The following TOP2A variants were observed in gnomAD, a reference collection of about 807,000 sequenced individuals.
TOP2A encodes the protein DNA topoisomerase II alpha, also known as DNA topoisomerase 2-alpha.
In TOP2A, 68 loss-of-function variants were observed where a neutral mutation model predicts 187.2. The ratio of observed to expected loss-of-function variants is 0.36; its 90% confidence interval spans 0.30 to 0.44. The LOEUF is 0.44. Among genes scored for constraint, TOP2A ranks in the 20% least tolerant of loss-of-function variants. TOP2A has a pLI of 1.00. For synonymous variants in TOP2A, 542 were observed against 593.2 expected (o/e 0.91, Z 1.25); for missense variants, 1,196 against 1,808.7 (o/e 0.66, Z 6.14).
intron 33 of TOP2A, among the ~76,000 whole-genome samples, chr17:40,390,643 T>C (rs2035012347): frequency 6.6e-6 from 1 of 151,044 alleles, no homozygotes; most frequent in South Asian, 2.1e-4. Context: ...TTTTTTTTTT[T>C]GAGACAGCAT....
chr17:40,403,467 G>C (rs1290443324), intron 19 of TOP2A, among the ~76,000 whole-genome samples: 2 of 152,108 alleles, frequency 1.3e-5, no homozygotes, highest in African/African-American at 4.8e-5. Flanking sequence ...CTGGTACATG[G>C]TAGGCATTCA....
chr17:40,410,576 G>A (rs963945820), intron 10 of TOP2A: 2 of 454,744 alleles, frequency 4.4e-6, no homozygotes, highest in African/African-American at 4.0e-5. Flanking sequence ...AGAACCTATT[G>A]TAGTAAACCA....
intron 7 of TOP2A, among the ~76,000 whole-genome samples, chr17:40,412,019 C>T (rs553210170): frequency 2.1e-4 from 32 of 151,024 alleles, no homozygotes; most frequent in African/African-American, 7.5e-4. Context: ...TAGTGAGATC[C>T]CCACCTCTAT....
intron 30 of TOP2A, 52 bp from the exon 31 acceptor site, chr17:40,392,393 A>G (rs2035036139): frequency 3.2e-6 from 5 of 1,543,022 alleles, no homozygotes; most frequent in African/African-American, 2.8e-5. Context: ...AGGAGAAACA[A>G]TTCATAGGTT....
Position 40,404,290 on chromosome 17 carries a change from G to A in TOP2A, c.2162-17C>T, listed in dbSNP as rs745697250. The A allele has an allele frequency of 1.2e-6, 2 of 1,611,690 alleles. No homozygotes were observed. On this transcript the variant is annotated splice_polypyrimidine_tract_variant and intron_variant, in intron 18 of 34. Coordinates refer to ENST00000423485, the MANE Select transcript of TOP2A (RefSeq NM_001067.4). ...GTTTCAAACCTTTAAAATGAAATAA[G>A]AGCAAACGTAAGTATCCTCAATTTA...
Position 40,398,783 on chromosome 17 carries a change from C to A in TOP2A, c.3443G>T (p.Arg1148Ile). 1 of 1,606,838 alleles carries A rather than the reference C, an allele frequency of 6.2e-7. No individual in the cohort carries two copies. Among genetic ancestry groups the A allele is most frequent in the Admixed American group, 1.7e-5 (1 of 58,040 alleles). Residue 1148 changes from arginine (R) to isoleucine (I), a missense_variant, in exon 26 of 35, where the codon AGA becomes ATA. Transcript: ENST00000423485. The stretch of plus-strand genomic sequence containing the variant: ...CTACTATCAACTCACTTTTTCATTT[C>A]TTAGCCTGCAGAGTTCATCTTTCTT... ...KEKKDELCRL[R>I]NEKEQELDTL...
At chr17:40,390,924 C>T (rs948891583) in intron 33 of TOP2A, among the ~76,000 whole-genome samples, 1 of 151,432 alleles carries the variant, frequency 6.6e-6, no homozygotes. Context: ...TGCACCCAGC[C>T]TTAAACTTAA....
Position 40,396,474 on chromosome 17 carries a change from G to C in TOP2A, c.3538-9C>G, listed in dbSNP as rs766381329. ...TCCTTGGCTTCAACAGCCTACAGAA[G>C]GGATATAAGAAAGCAAGTTTAAATG... On this transcript the variant is annotated splice_polypyrimidine_tract_variant and intron_variant, in intron 27 of 34. Transcript: ENST00000423485. The C allele has an allele frequency of 6.2e-7, 1 of 1,603,794 alleles. No individual in the cohort carries two copies. Among genetic ancestry groups the C allele is most frequent in the Admixed American group, 1.7e-5 (1 of 58,252 alleles).
chr17:40,390,220 ACT>A, intron 33 of TOP2A, 56 bp from the exon 34 acceptor site: 1 of 1,494,060 alleles, frequency 6.7e-7, no homozygotes, highest in Non-Finnish European at 9.0e-7. Context: ...ATGGGGTCTC[ACT>A]CTATCGTCCA....
chr17:40,412,148 A>T (rs2035329140), intron 7 of TOP2A, among the ~76,000 whole-genome samples: 2 of 152,210 alleles, frequency 1.3e-5, no homozygotes, highest in Non-Finnish European at 2.9e-5. Context: ...GTGAGCCGTG[A>T]TTGCATCACT....
intron 24 of TOP2A, 200 bp from the exon 25 acceptor site, chr17:40,399,331 A>ATAAGAGGC (rs1555579719): frequency 7.2e-6 from 4 of 553,958 alleles, no homozygotes; most frequent in African/African-American, 3.8e-5. Context: ...GTCAAATCAT[A>ATAAGAGGC]TATGATCAAA....
At position 40,416,859 on chromosome 17, in the gene TOP2A, T is replaced by G. The variant is rs369852373; in HGVS notation, c.58A>C (p.Lys20Gln). 5.6e-6 allele frequency: 9 copies of G among 1,606,864 alleles called. No individual in the cohort carries two copies. The African/African-American group carries it at 1.1e-4, about 19-fold the overall frequency. Residue 20 changes from lysine (K) to glutamine (Q), a missense_variant, in exon 2 of 35, where the codon AAA becomes CAA. Physicochemically the swap from Lys to Gln is moderately conservative, Grantham distance 53. Transcript: ENST00000423485. ...NENMQVNKIKKNEDAKKRLSV... is the reference protein window; with the variant it reads ...NENMQVNKIKQNEDAKKRLSV... ...AGTCTTTTCTTAGCATCTTCATTTTTCTTTATTTTGTTGACTTGCATATTT... is the reference window on the plus strand; with the variant it reads ...AGTCTTTTCTTAGCATCTTCATTTTGCTTTATTTTGTTGACTTGCATATTT...
At chr17:40,417,896 T>TA (rs1306283849), upstream of TOP2A, 4 of 1,512,018 alleles carry the variant, frequency 2.6e-6, no homozygotes, top group East Asian at 7.1e-5. Flanking sequence ...GCGCGTCGGT[T>TA]AGGAGAGCTC....
intron 33 of TOP2A, among the ~76,000 whole-genome samples, chr17:40,390,624 A>ATTTTTTTT (rs202246173): frequency 7.7e-6 from 1 of 129,814 alleles, no homozygotes; most frequent in Non-Finnish European, 1.7e-5. Context: ...TAAACATTCT[A>ATTTTTTTT]TTTTTTTTTT....
chr17:40,407,311 C>G (rs1209601819), intron 13 of TOP2A, among the ~76,000 whole-genome samples: 1 of 152,082 alleles, frequency 6.6e-6, no homozygotes, highest in African/African-American at 2.4e-5. Context: ...TATGACTGAC[C>G]TACTGGCAAT....
intron 6 of TOP2A, 44 bp downstream of exon 6, chr17:40,413,148 ATAC>A (rs1279261087): frequency 2.9e-6 from 4 of 1,397,612 alleles, no homozygotes; most frequent in Non-Finnish European, 4.0e-6. Context: ...ATAAATGGCT[ATAC>A]TACTACCATT....
At chr17:40,399,002 A>G in intron 25 of TOP2A, 38 bp downstream of exon 25, 1 of 1,592,600 alleles carries the variant, frequency 6.3e-7, no homozygotes, top group Non-Finnish European at 8.6e-7. Flanking sequence ...TACAATACAT[A>G]GTCTTTAACA....
Position 40,389,651 on chromosome 17 carries a change from A to C in TOP2A, c.4468-4T>G, listed in dbSNP as rs1449176812. 1.2e-6 allele frequency: 2 copies of C among 1,607,344 alleles called. No individual in the cohort carries two copies. The highest frequency in any genetic ancestry group is 2.7e-5 in the African/African-American group (2 of 74,732). The stretch of plus-strand genomic sequence containing the variant: ...CATCACTCTCCCCCTTGGATTTCTA[A>C]AAGAGAAAAGCCCAGGTAACTTGCA... On this transcript the variant is annotated splice_region_variant and splice_polypyrimidine_tract_variant and intron_variant, in intron 34 of 34. Coordinates refer to ENST00000423485, the MANE Select transcript of TOP2A (RefSeq NM_001067.4).
In TOP2A at chr17:40,411,928, T is replaced by A; in HGVS notation, c.790-110A>T. On this transcript the variant is annotated intron_variant, in intron 7 of 34. Coordinates refer to ENST00000423485, the MANE Select transcript of TOP2A (RefSeq NM_001067.4). The surrounding 1 kb of genome is among the most constrained non-coding windows in gnomAD (Gnocchi z 4.4). ...ATGCAATGATGTTCACTGATAGGCA[T>A]AAGGGAATGGTCATTAAAGGACACA... is the stretch of plus-strand genomic sequence containing the variant. 1 of 905,930 alleles carries A rather than the reference T, an allele frequency of 1.1e-6. No individual in the cohort carries two copies. The highest frequency in any genetic ancestry group is 1.6e-6 in the Non-Finnish European group (1 of 620,646). The allele number at this position is 905,930 out of a possible 1,614,324, so 56.1% of individuals were successfully genotyped here.
Sources: allele counts gnomAD v4.1 joint callset (sites outside exome capture counted in the v4.1 genomes callset), GRCh38; gene constraint gnomAD v4.1.1; non-coding constraint Gnocchi (gnomAD v3.1); transcripts MANE v1.5; gene names NCBI Gene and HGNC (gene_info 2026-07-23, HGNC 2026-07-21).